Variants in IGSF10 observed in about 807,000 individuals in gnomAD.
IGSF10 encodes calvaria mechanical force protein 608.
In IGSF10, 126 loss-of-function variants were observed where a neutral mutation model predicts 128.2. The observed-to-expected ratio is 0.98, with a 90% confidence interval of 0.85 to 1.14. IGSF10 has a LOEUF of 1.14. Ranked by LOEUF, IGSF10 falls within the 50% of genes most tolerant of loss-of-function variation. The pLI is 0.00. For synonymous variants in IGSF10, 1,185 were observed against 1,146.2 expected, an observed-to-expected ratio of 1.03 and a Z score of -0.68; for missense variants, 3,295 against 3,149.8, an observed-to-expected ratio of 1.05 and a Z score of -1.10.
At chr3:151,549,945 A>G in the IGSF10 span, among the ~76,000 whole-genome samples, 1 of 152,158 alleles carries the variant, frequency 6.6e-6, no homozygotes, top group African/African-American at 2.4e-5. Flanking sequence ...CCTCTGAAAA[A>G]AGAGACTATT....
chr3:151,448,195 G>A lies in IGSF10; in HGVS notation c.1786C>T (p.His596Tyr), dbSNP rs1292868194. The change falls in exon 6 of 8, where the codon CAT becomes TAT. Residue 596 changes from histidine to tyrosine, a missense_variant. By Grantham distance (83) the His-to-Tyr change is moderately conservative (BLOSUM62 2). Transcript: ENST00000282466. ...FIGETLDLPC[H>Y]STGIPDASIS... ...GAGGCATCTGGGATACCAGTAGAAT[G>A]GCATGGAAGATCAAGTGTTTCACCA... 7.4e-6 allele frequency: 12 copies of A among 1,614,178 alleles called. No homozygotes were observed. The highest frequency in any genetic ancestry group is 1.0e-5 in the Non-Finnish European group (12 of 1,180,016).
the IGSF10 span, among the ~76,000 whole-genome samples, chr3:151,488,576 C>T: frequency 4.7e-4 from 72 of 152,286 alleles, no homozygotes; most frequent in African/African-American, 1.7e-3. Flanking sequence ...TCAATCTATA[C>T]TACAAGTCTA....
chr3:151,473,886 G>A, the IGSF10 span, among the ~76,000 whole-genome samples: 1 of 151,720 alleles, frequency 6.6e-6, no homozygotes, highest in Non-Finnish European at 1.5e-5. Flanking sequence ...TATAATTGGA[G>A]GCCAAAATGA....
chr3:151,512,535 A>T, the IGSF10 span, among the ~76,000 whole-genome samples: 1 of 152,174 alleles, frequency 6.6e-6, no homozygotes, highest in African/African-American at 2.4e-5. Flanking sequence ...TGACACCCTA[A>T]CATCACAATT....
chr3:151,445,056 C>T lies in IGSF10; in HGVS notation c.4925G>A (p.Arg1642Lys), dbSNP rs761406303. 22 of 1,614,046 alleles carry T rather than the reference C, an allele frequency of 1.4e-5. No individual in the cohort carries two copies. Among genetic ancestry groups the T allele is most frequent in the Non-Finnish European group, 8.5e-6 (10 of 1,180,030 alleles). Reference sequence around the variant, plus strand: ...TATCCTGGGCTTTTCAAATATATACCTAGACAAAGAGTCAAAGGGAAGGAG... The same window carrying T: ...TATCCTGGGCTTTTCAAATATATACTTAGACAAAGAGTCAAAGGGAAGGAG... ...SKLLPFDSLS[R>K]YIFEKPRIVG... The change falls in exon 6 of 8, where the codon AGG becomes AAG. Residue 1642 changes from arginine to lysine, a missense_variant. Physicochemically the swap from Arg to Lys is conservative, Grantham distance 26 (BLOSUM62 2). Coordinates refer to ENST00000282466, the MANE Select transcript of IGSF10 (RefSeq NM_178822.5).
the IGSF10 span, among the ~76,000 whole-genome samples, chr3:151,616,074 C>T: frequency 2.0e-5 from 3 of 150,976 alleles, no homozygotes; most frequent in African/African-American, 7.3e-5. Context: ...AAGTGATTCT[C>T]CTGCCTCAGC....
chr3:151,446,919 C>T lies in IGSF10; in HGVS notation c.3062G>A (p.Arg1021Gln), dbSNP rs35114212. The T allele has an allele frequency of 2.6e-5, 42 of 1,613,908 alleles. No individual in the cohort carries two copies. The highest frequency in any genetic ancestry group is 1.3e-4 in the Admixed American group (8 of 59,982). Residue 1021 changes from arginine to glutamine, a missense_variant, in exon 6 of 8, where the codon CGG becomes CAG. By Grantham distance (43) the Arg-to-Gln change is conservative. Transcript: ENST00000282466. ...GRQRKIGGRG[R>Q]IISPYRTPVL... ...TGGAGTTCTATATGGGCTGATAATC[C>T]GCCCCCTTCCGCCAATTTTCCTCTG...
chr3:151,444,772 C>G (rs1721082610), intron 6 of IGSF10, 147 bp downstream of exon 6: 1 of 681,680 alleles, frequency 1.5e-6, no homozygotes, highest in Non-Finnish European at 2.4e-6. Flanking sequence ...TGAAAATATG[C>G]CAGTGTCAAA....
chr3:151,546,417 G>A, the IGSF10 span, among the ~76,000 whole-genome samples: 1 of 151,988 alleles, frequency 6.6e-6, no homozygotes, highest in Non-Finnish European at 1.5e-5. Flanking sequence ...GTGTAATTAT[G>A]GCTCACCATA....
At chr3:151,538,019 C>T in the IGSF10 span, among the ~76,000 whole-genome samples, 81 of 152,140 alleles carry the variant, frequency 5.3e-4, no homozygotes, top group African/African-American at 1.8e-3. Context: ...ATTCCTCTGA[C>T]TATTACTCAC....
Position 151,437,753 on chromosome 3 carries a change from C to T in IGSF10, c.6808G>A (p.Glu2270Lys), listed in dbSNP as rs1462985601. The T allele has an allele frequency of 6.2e-7, 1 of 1,613,998 alleles. No homozygotes were observed. Residue 2270 changes from glutamate (E) to lysine (K), a missense_variant, in exon 8 of 8, where the codon GAA becomes AAA. Physicochemically the swap from Glu to Lys is moderately conservative, Grantham distance 56. Transcript: ENST00000282466. ...TTGTCTGGCATGATCCACATGACTT[C>T]AGGAGATGGTGTCCCTTCAGCTCTG... ...DCRAEGTPSPEVMWIMPDNIF... is the reference protein window; with the variant it reads ...DCRAEGTPSPKVMWIMPDNIF...
At position 151,438,799 on chromosome 3, in the gene IGSF10, G is replaced by GAT. The variant is rs556812838; in HGVS notation, c.5964-204_5964-203dup. ...TGTGTATATATATACACATATTTGA[G>GAT]ATATATATATATATACATTTTGAGA... On this transcript the variant is annotated intron_variant, in intron 7 of 7. Transcript: ENST00000282466. Among the ~76,000 whole-genome samples, 1,024 of 144,910 alleles carry GAT rather than the reference G, an allele frequency of 7.1e-3. 12 individuals are homozygous for GAT. Among genetic ancestry groups the GAT allele is most frequent in the African/African-American group, 0.022 (838 of 38,566 alleles).
the IGSF10 span, among the ~76,000 whole-genome samples, chr3:151,522,550 A>C: frequency 6.6e-6 from 1 of 152,172 alleles, no homozygotes; most frequent in Non-Finnish European, 1.5e-5. Context: ...ACAAATCAAT[A>C]AATGTGATTC....
At chr3:151,466,420 T>C in the IGSF10 span, among the ~76,000 whole-genome samples, 2 of 152,286 alleles carry the variant, frequency 1.3e-5, no homozygotes, top group Non-Finnish European at 1.5e-5. Context: ...GATAATTAAC[T>C]GGATTGAATT....
the IGSF10 span, among the ~76,000 whole-genome samples, chr3:151,508,243 A>G: frequency 2.8e-3 from 430 of 152,264 alleles, 4 homozygotes; most frequent in African/African-American, 0.01. Context: ...AAAAATAGAT[A>G]CAACAAGATA....
chr3:151,503,017 C>A, the IGSF10 span, among the ~76,000 whole-genome samples: 1 of 152,066 alleles, frequency 6.6e-6, no homozygotes, highest in Admixed American at 6.6e-5. Context: ...ACTCCATCAT[C>A]ACTCTCAGAG....
At chr3:151,444,251 A>G (rs975716188) in intron 6 of IGSF10, among the ~76,000 whole-genome samples, 10 of 152,168 alleles carry the variant, frequency 6.6e-5, no homozygotes, top group Non-Finnish European at 1.5e-4. Context: ...ACAGACCAAA[A>G]AAAAAAAATT....
At chr3:151,491,929 GA>G in the IGSF10 span, among the ~76,000 whole-genome samples, 1 of 151,990 alleles carries the variant, frequency 6.6e-6, no homozygotes, top group Non-Finnish European at 1.5e-5. Flanking sequence ...AGAATACTTC[GA>G]AAAGATTATA....
chr3:151,478,406 T>C, the IGSF10 span, among the ~76,000 whole-genome samples: 1 of 152,244 alleles, frequency 6.6e-6, no homozygotes, highest in Non-Finnish European at 1.5e-5. Context: ...TATCTAAACA[T>C]TGCTTTAAGA....
Sources: allele counts gnomAD v4.1 joint callset (sites outside exome capture counted in the v4.1 genomes callset), GRCh38; gene constraint gnomAD v4.1.1; transcripts MANE v1.5; gene names NCBI Gene and HGNC (gene_info 2026-07-23, HGNC 2026-07-21).